Variants in PTPRZ1 observed in about 807,000 individuals in gnomAD.
PTPRZ1 encodes protein tyrosine phosphatase receptor type Z1.
Under a neutral mutation model 214.1 loss-of-function variants are expected in PTPRZ1, and 82 were observed. The observed-to-expected ratio is 0.38, with a 90% CI of 0.32 to 0.46. PTPRZ1 has a LOEUF of 0.46. PTPRZ1 is among the 20% of genes least tolerant of loss of function. The pLI, the probability that PTPRZ1 is intolerant of heterozygous loss-of-function variation, is 1.00. For missense variants in PTPRZ1, 2,603 were observed against 2,748.7 expected (o/e 0.95, Z 1.19); for synonymous variants, 945 against 987.9 (o/e 0.96, Z 0.81).
chr7:121,976,132 A>C (rs1337959658), intron 4 of PTPRZ1, 41 bp from the exon 5 acceptor site: 2 of 1,322,158 alleles, frequency 1.5e-6, no homozygotes, highest in South Asian at 2.7e-5. Context: ...ATTTTTATGA[A>C]GTCTTTGTGT....
chr7:121,964,412 T>G (rs2116498868), intron 2 of PTPRZ1, among the ~76,000 whole-genome samples: 1 of 152,250 alleles, frequency 6.6e-6, no homozygotes, highest in African/African-American at 2.4e-5. Flanking sequence ...GGGAAGCCCC[T>G]TATAAAACCA....
At chr7:121,946,072 A>G (rs1334662141) in intron 2 of PTPRZ1, among the ~76,000 whole-genome samples, 1 of 152,214 alleles carries the variant, frequency 6.6e-6, no homozygotes, top group African/African-American at 2.4e-5. Flanking sequence ...CTTGGCTGCT[A>G]GTAAGAGAAG....
chr7:121,938,120 G>A (rs917810766), intron 2 of PTPRZ1, among the ~76,000 whole-genome samples: 2 of 151,596 alleles, frequency 1.3e-5, no homozygotes, highest in South Asian at 2.1e-4. Flanking sequence ...TCTTCTGTTG[G>A]GGAAATATAA....
intron 22 of PTPRZ1, 36 bp from the exon 23 acceptor site, chr7:122,044,386 T>C: frequency 6.2e-7 from 1 of 1,611,952 alleles, no homozygotes; most frequent in Non-Finnish European, 8.5e-7. Flanking sequence ...TGAGGAAAAC[T>C]TGAACTAATG....
Position 122,013,659 on chromosome 7 carries a change from A to G in PTPRZ1, c.4613A>G (p.Lys1538Arg). ...SALLPLSPES[K>R]AWAVLTSDEE... is the part of the protein sequence containing the mutation. ...CTGCTTCCTCTCAGCCCTGAATCTA[A>G]AGCATGGGCAGTTCTGACAAGTGAT... is the stretch of plus-strand genomic sequence containing the variant. The change falls in exon 12 of 30, where the codon AAA becomes AGA. Residue 1538 changes from lysine (K) to arginine (R), a missense_variant. Lys to Arg is a conservative substitution (Grantham distance 26, BLOSUM62 2). This residue lies in a region of PTPRZ1 where 1,913 missense variants were observed against 1,914.3 expected (regional missense o/e 1.00). Coordinates refer to ENST00000393386, the MANE Select transcript of PTPRZ1 (RefSeq NM_002851.3). The G allele has an allele frequency of 6.2e-7, 1 of 1,614,210 alleles. No individual in the cohort carries two copies. Among genetic ancestry groups the G allele is most frequent in the South Asian group, 1.1e-5 (1 of 91,076 alleles).
chr7:121,890,535 A>G (rs1234897161), intron 1 of PTPRZ1, among the ~76,000 whole-genome samples: 2 of 152,160 alleles, frequency 1.3e-5, no homozygotes, highest in Admixed American at 1.3e-4. Context: ...ATTTTGTTCA[A>G]ATGTAAGTCA....
intron 2 of PTPRZ1, among the ~76,000 whole-genome samples, chr7:121,952,142 T>G (rs1319300214): frequency 6.6e-6 from 1 of 152,006 alleles, no homozygotes; most frequent in Non-Finnish European, 1.5e-5. Flanking sequence ...GTATTTTTAG[T>G]AGAGACAGGG....
chr7:121,903,061 A>G (rs1366267083), intron 1 of PTPRZ1, among the ~76,000 whole-genome samples: 3 of 152,160 alleles, frequency 2.0e-5, no homozygotes, highest in South Asian at 2.1e-4. Flanking sequence ...TTTACATGTC[A>G]TGCACTGGGC....
chr7:121,991,761 T>C (rs1797970672), intron 8 of PTPRZ1, among the ~76,000 whole-genome samples: 3 of 152,236 alleles, frequency 2.0e-5, no homozygotes, highest in African/African-American at 7.2e-5. Flanking sequence ...AAGACTTCTT[T>C]TGGCTATTAA....
At chr7:121,960,465 T>C (rs1301256384) in intron 2 of PTPRZ1, among the ~76,000 whole-genome samples, 3 of 152,210 alleles carry the variant, frequency 2.0e-5, no homozygotes, top group Non-Finnish European at 4.4e-5. Flanking sequence ...ATGTATACTG[T>C]TATTAAAATC....
intron 2 of PTPRZ1, among the ~76,000 whole-genome samples, chr7:121,940,360 T>G (rs1438364346): frequency 2.0e-5 from 3 of 152,210 alleles, no homozygotes; most frequent in African/African-American, 7.2e-5. Flanking sequence ...TTGATAGGAT[T>G]AATCAACATT....
At chr7:121,989,001 T>C (rs1797854759) in intron 8 of PTPRZ1, among the ~76,000 whole-genome samples, 1 of 152,346 alleles carries the variant, frequency 6.6e-6, no homozygotes, top group South Asian at 2.1e-4. Flanking sequence ...AGAATTGTTA[T>C]GAAATAGTTT....
chr7:121,946,109 G>T (rs140451734), intron 2 of PTPRZ1, among the ~76,000 whole-genome samples: 10 of 152,286 alleles, frequency 6.6e-5, no homozygotes, highest in African/African-American at 2.4e-4. Flanking sequence ...GCTCTGATCT[G>T]AGTGGGAAAT....
chr7:121,947,293 G>A (rs985059955), intron 2 of PTPRZ1, among the ~76,000 whole-genome samples: 2 of 151,896 alleles, frequency 1.3e-5, no homozygotes, highest in African/African-American at 4.8e-5. Flanking sequence ...TACTTAATAG[G>A]ACTTGCATTT....
At chr7:122,042,315 A>G (rs1390973429) in intron 21 of PTPRZ1, among the ~76,000 whole-genome samples, 2 of 152,226 alleles carry the variant, frequency 1.3e-5, no homozygotes, top group Admixed American at 1.3e-4. Context: ...ACAATATACA[A>G]TGAATAATAA....
chr7:121,992,626 A>G (rs868289836), intron 8 of PTPRZ1, among the ~76,000 whole-genome samples: 1 of 152,178 alleles, frequency 6.6e-6, no homozygotes, highest in Non-Finnish European at 1.5e-5. Flanking sequence ...ACATTCCTCT[A>G]TCAATGGAGT....
chr7:121,971,227 A>G (rs936908652), intron 3 of PTPRZ1, among the ~76,000 whole-genome samples: 1 of 152,182 alleles, frequency 6.6e-6, no homozygotes, highest in African/African-American at 2.4e-5. Context: ...ATTGTAAGCA[A>G]AAATCTTTAT....
Position 122,031,656 on chromosome 7 carries a change from C to G in PTPRZ1, c.5166+97C>G. On this transcript the variant is annotated intron_variant, in intron 15 of 29. Transcript: ENST00000393386. ...TTTCTTGACCTAAAGACAGTGCAAC[C>G]ATTTGCACTTCTAGTAAAAATATGA... 3 of 754,460 alleles carry G rather than the reference C, an allele frequency of 4.0e-6. No individual in the cohort carries two copies. In the South Asian group the frequency reaches 6.3e-5, roughly 16 times the overall value. 46.7% of individuals were successfully genotyped at this position (754,460 alleles called of 1,614,324 possible).
intron 26 of PTPRZ1, 119 bp from the exon 27 acceptor site, chr7:122,054,822 A>C: frequency 1.0e-6 from 1 of 996,494 alleles, no homozygotes; most frequent in South Asian, 1.9e-5. Context: ...GTAAATATTC[A>C]GATTCAAAGA....
Sources: allele counts gnomAD v4.1 joint callset (sites outside exome capture counted in the v4.1 genomes callset), GRCh38; gene constraint gnomAD v4.1.1; regional missense constraint gnomAD v4.1.1; transcripts MANE v1.5; gene names NCBI Gene and HGNC (gene_info 2026-07-23, HGNC 2026-07-21).